MCTP2: variants seen among roughly 807,000 people sequenced by gnomAD.
MCTP2 encodes the protein multiple C2 and transmembrane domain-containing protein 2.
A neutral mutation model predicts 111.6 loss-of-function variants in MCTP2; 132 were observed. The ratio of observed to expected loss-of-function variants is 1.18; its 90% confidence interval spans 1.03 to 1.37. The LOEUF (loss-of-function observed/expected upper bound fraction) is 1.37, where lower values mean the gene tolerates loss of function less well. Among genes scored for constraint, MCTP2 ranks in the 40% most tolerant of loss-of-function variants. MCTP2 has a pLI of 0.00. For missense variants in MCTP2, 1,183 were observed against 1,067.9 expected (o/e 1.11, Z -1.50); for synonymous variants, 395 against 387.7 (o/e 1.02, Z -0.22).
At chr15:94,443,981 CAAAAAAAAAAAAA>C (rs58768404) in intron 19 of MCTP2, among the ~76,000 whole-genome samples, 6 of 69,406 alleles carry the variant, frequency 8.6e-5, no homozygotes, top group East Asian at 4.9e-4. Flanking sequence ...GATATTTTAC[CAAAAAAAAAAAAA>C]AAAAAAAAAA....
intron 10 of MCTP2, among the ~76,000 whole-genome samples, chr15:94,362,957 A>G (rs2079012446): frequency 6.6e-6 from 1 of 152,070 alleles, no homozygotes; most frequent in Non-Finnish European, 1.5e-5. Flanking sequence ...CAGGAAAGGG[A>G]AAAAAAAGTA....
intron 20 of MCTP2, among the ~76,000 whole-genome samples, chr15:94,465,517 G>A (rs921259605): frequency 6.6e-6 from 1 of 151,976 alleles, no homozygotes; most frequent in South Asian, 2.1e-4. Context: ...GTAACATTTC[G>A]GAACTCCGAC....
chr15:94,334,989 A>T (rs1014976280), intron 4 of MCTP2, among the ~76,000 whole-genome samples: 2 of 152,184 alleles, frequency 1.3e-5, no homozygotes, highest in Admixed American at 6.5e-5. Context: ...TGCCCCTCCC[A>T]TGAAGTTCTA....
At chr15:94,470,033 G>T (rs2073782726) in intron 20 of MCTP2, among the ~76,000 whole-genome samples, 1 of 152,130 alleles carries the variant, frequency 6.6e-6, no homozygotes, top group Non-Finnish European at 1.5e-5. Context: ...TGGCAACATT[G>T]CAGTTTTTAA....
At chr15:94,447,107 GATTA>G (rs1457592247) in intron 19 of MCTP2, among the ~76,000 whole-genome samples, 1 of 152,134 alleles carries the variant, frequency 6.6e-6, no homozygotes, top group Non-Finnish European at 1.5e-5. Context: ...CCTCTAAATT[GATTA>G]GTCAGTCCCT....
intron 20 of MCTP2, among the ~76,000 whole-genome samples, chr15:94,462,898 A>G (rs1169930784): frequency 6.6e-6 from 1 of 152,218 alleles, no homozygotes; most frequent in Non-Finnish European, 1.5e-5. Flanking sequence ...AATATTAACT[A>G]TTATGAGTAT....
intron 4 of MCTP2, among the ~76,000 whole-genome samples, chr15:94,323,589 T>C (rs1178807520): frequency 6.6e-6 from 1 of 152,190 alleles, no homozygotes; most frequent in African/African-American, 2.4e-5. Flanking sequence ...AGGTCTGGTA[T>C]TGGGGAGCTC....
At position 94,350,971 on chromosome 15, in the gene MCTP2, A is replaced by AT. The variant is rs1200574779; in HGVS notation, c.1006-5159dup. On this transcript the variant is annotated intron_variant, in intron 8 of 22. Coordinates refer to ENST00000357742, the MANE Select transcript of MCTP2 (RefSeq NM_001385001.1). The stretch of plus-strand genomic sequence containing the variant: ...CACTGGGTATGTGCAGTCTTTAACT[A>AT]TTTTTTTAAATCTTCTCTTAATCTA... Among the ~76,000 whole-genome samples the AT allele has an allele frequency of 5.3e-5, 8 of 152,078 alleles. No homozygotes were observed. In the East Asian group the frequency reaches 9.7e-4, roughly 18 times the overall value.
chr15:94,320,269 A>G (rs2076569270), intron 4 of MCTP2, among the ~76,000 whole-genome samples: 1 of 151,454 alleles, frequency 6.6e-6, no homozygotes, highest in Non-Finnish European at 1.5e-5. Context: ...CAGCCTCCCA[A>G]GTAGTTGGGA....
intron 21 of MCTP2, among the ~76,000 whole-genome samples, chr15:94,474,004 ATCAAT>A (rs1381124944): frequency 8.6e-5 from 13 of 151,920 alleles, no homozygotes; most frequent in African/African-American, 2.9e-4. Flanking sequence ...CACCCCACTG[ATCAAT>A]TCAATCTATG....
intron 19 of MCTP2, among the ~76,000 whole-genome samples, chr15:94,457,696 A>T (rs2084921914): frequency 2.0e-5 from 3 of 152,218 alleles, no homozygotes; most frequent in Admixed American, 1.3e-4. Flanking sequence ...ATGCTCCAGT[A>T]CTAGGAATCA....
At chr15:94,458,290 A>G (rs1206294788) in intron 20 of MCTP2, 44 bp downstream of exon 20, 2 of 1,167,822 alleles carry the variant, frequency 1.7e-6, no homozygotes, top group East Asian at 2.3e-5. Context: ...TAGACCTGCT[A>G]TCCACAAGGA....
At chr15:94,336,081 G>A (rs565226814) in intron 4 of MCTP2, among the ~76,000 whole-genome samples, 3 of 152,184 alleles carry the variant, frequency 2.0e-5, no homozygotes, top group South Asian at 4.2e-4. Flanking sequence ...TTGGGCCTCC[G>A]ACTCATCTGT....
intron 1 of MCTP2, among the ~76,000 whole-genome samples, chr15:94,274,491 G>T (rs1183959129): frequency 2.6e-5 from 4 of 151,990 alleles, no homozygotes; most frequent in Admixed American, 1.3e-4. Flanking sequence ...TTGCAGGATT[G>T]TTCAGAAAAA....
In MCTP2 at chr15:94,480,676, T is replaced by TTGTAAC. The variant is rs1309875665; in HGVS notation, c.*1643_*1648dup. On this transcript the variant is annotated 3_prime_UTR_variant, in exon 23 of 23. Transcript: ENST00000357742. Reference sequence around the variant, plus strand: ...ATCTAGTTTATCATAGTCTGTCATTTTGTAACGACCTAAGTCAGACATTTT... The same window carrying TTGTAAC: ...ATCTAGTTTATCATAGTCTGTCATTTTGTAACTGTAACGACCTAAGTCAGACATTTT... 6.6e-6 allele frequency: 1 copy of TTGTAAC among 152,272 alleles called. No homozygotes were observed. The highest frequency in any genetic ancestry group is 1.5e-5 in the Non-Finnish European group (1 of 68,042). 9.4% of individuals were successfully genotyped at this position (152,272 alleles called of 1,614,324 possible).
chr15:94,299,874 C>T (rs925069238), intron 2 of MCTP2, among the ~76,000 whole-genome samples: 4 of 152,184 alleles, frequency 2.6e-5, no homozygotes, highest in South Asian at 2.1e-4. Flanking sequence ...TATTCGTTAG[C>T]AAGCATTACT....
chr15:94,345,839 A>T (rs767506492), intron 8 of MCTP2, among the ~76,000 whole-genome samples: 3 of 152,242 alleles, frequency 2.0e-5, no homozygotes, highest in African/African-American at 7.2e-5. Flanking sequence ...AGGAGAAATT[A>T]TACTTTGTAA....
intron 8 of MCTP2, among the ~76,000 whole-genome samples, chr15:94,346,481 A>C (rs767418911): frequency 1.1e-4 from 17 of 152,186 alleles, no homozygotes; most frequent in Non-Finnish European, 2.2e-4. Flanking sequence ...CACAGGACTA[A>C]GCCCAGCTCT....
intron 10 of MCTP2, among the ~76,000 whole-genome samples, chr15:94,364,252 T>C (rs1249568819): frequency 6.6e-6 from 1 of 152,140 alleles, no homozygotes; most frequent in Non-Finnish European, 1.5e-5. Context: ...GTACAAGGGC[T>C]GATTTTAGTA....
Sources: allele counts gnomAD v4.1 joint callset (sites outside exome capture counted in the v4.1 genomes callset), GRCh38; gene constraint gnomAD v4.1.1; transcripts MANE v1.5; gene names NCBI Gene and HGNC (gene_info 2026-07-23, HGNC 2026-07-21).